CHRM5: variants seen among roughly 807,000 people sequenced by gnomAD.
The protein encoded by CHRM5 is muscarinic acetylcholine receptor M5.
CHRM5 carries 18 observed loss-of-function variants against 39.0 expected under a neutral mutation model. The observed-to-expected ratio is 0.46, with a 90% confidence interval of 0.32 to 0.68. CHRM5 has a LOEUF of 0.68. CHRM5 is among the 30% of genes least tolerant of loss of function. CHRM5 has a pLI of 0.04. For synonymous variants in CHRM5, 241 were observed against 246.3 expected (o/e 0.98, Z 0.20); for missense variants, 515 against 651.1 (o/e 0.79, Z 2.28).
At chr15:34,020,419 G>A (rs2140712546) in intron 1 of CHRM5, among the ~76,000 whole-genome samples, 1 of 152,276 alleles carries the variant, frequency 6.6e-6, no homozygotes, top group Non-Finnish European at 1.5e-5. Flanking sequence ...ATAAATCCAA[G>A]GAGGCAAATT....
chr15:33,978,525 T>A (rs1895994612), intron 1 of CHRM5, among the ~76,000 whole-genome samples: 1 of 151,996 alleles, frequency 6.6e-6, no homozygotes, highest in Admixed American at 6.6e-5. Flanking sequence ...TTAGCCGGCA[T>A]GGTGGCAGGC....
At position 33,997,489 on chromosome 15, in the gene CHRM5, C is replaced by T. The variant is rs577889671; in HGVS notation, c.-408+28339C>T. The stretch of plus-strand genomic sequence containing the variant: ...ACACCAACTCACAGCCAGGCACACC[C>T]GTATTTTTATATAAGACTATATCAT... On this transcript the variant is annotated intron_variant, in intron 1 of 2. Transcript: ENST00000383263. 5.3e-5 allele frequency among the ~76,000 whole-genome samples: 8 copies of T among 152,246 alleles called. No homozygotes were observed. In the East Asian group the frequency reaches 1.4e-3, roughly 26 times the overall value.
At position 34,061,872 on chromosome 15, in the gene CHRM5, A is replaced by C. The variant is rs188200929; in HGVS notation, c.-75-771A>C. ...TCTTGGCTCACAACGGCACCTCAGTAATGTTTAATAATCAAGACTGGGACT... is the reference window on the plus strand; with the variant it reads ...TCTTGGCTCACAACGGCACCTCAGTCATGTTTAATAATCAAGACTGGGACT... On this transcript the variant is annotated intron_variant, in intron 2 of 2. Coordinates refer to ENST00000383263, the MANE Select transcript of CHRM5 (RefSeq NM_012125.4). 3.4e-3 allele frequency among the ~76,000 whole-genome samples: 520 copies of C among 152,278 alleles called. 5 individuals carry two copies. The highest frequency in any genetic ancestry group is 0.012 in the African/African-American group (508 of 41,560).
chr15:33,996,653 G>C (rs935575008), intron 1 of CHRM5, among the ~76,000 whole-genome samples: 1 of 152,156 alleles, frequency 6.6e-6, no homozygotes, highest in Admixed American at 6.5e-5. Context: ...GAAAGGAATA[G>C]CATCAACATC....
At chr15:34,056,084 G>A (rs1900137398) in intron 2 of CHRM5, among the ~76,000 whole-genome samples, 1 of 152,136 alleles carries the variant, frequency 6.6e-6, no homozygotes, top group South Asian at 2.1e-4. Context: ...GCTGAGGGCT[G>A]TTTTCACTAC....
chr15:33,973,485 C>T (rs1332625732), intron 1 of CHRM5, among the ~76,000 whole-genome samples: 17 of 152,152 alleles, frequency 1.1e-4, no homozygotes, highest in Admixed American at 7.9e-4. Context: ...TACAGAAGAG[C>T]TTCTCATGCC....
chr15:34,052,799 G>T (rs1204432004), intron 2 of CHRM5, among the ~76,000 whole-genome samples: 1 of 152,016 alleles, frequency 6.6e-6, no homozygotes, highest in Non-Finnish European at 1.5e-5. Context: ...GGAAGTGAAG[G>T]ACCTCTTCAA....
intron 1 of CHRM5, among the ~76,000 whole-genome samples, chr15:33,975,014 A>G (rs1895823718): frequency 6.6e-6 from 1 of 152,160 alleles, no homozygotes; most frequent in South Asian, 2.1e-4. Flanking sequence ...TTGACATCCT[A>G]TCATGTTTTT....
intron 1 of CHRM5, among the ~76,000 whole-genome samples, chr15:33,998,527 T>C (rs1897022918): frequency 1.3e-5 from 2 of 152,210 alleles, no homozygotes. Flanking sequence ...CCCATTATTC[T>C]CCTTTCCTTT....
chr15:34,006,826 T>G (rs1897371520), intron 1 of CHRM5, among the ~76,000 whole-genome samples: 3 of 152,198 alleles, frequency 2.0e-5, no homozygotes, highest in Non-Finnish European at 2.9e-5. Context: ...ACATTTGATG[T>G]AACTGAAAGA....
intron 1 of CHRM5, among the ~76,000 whole-genome samples, chr15:34,042,739 C>G (rs1899523977): frequency 6.6e-6 from 1 of 151,966 alleles, no homozygotes; most frequent in African/African-American, 2.4e-5. Flanking sequence ...GTAGCCAATT[C>G]CTTAAGGTAG....
chr15:34,041,394 T>C (rs1258370645), intron 1 of CHRM5, among the ~76,000 whole-genome samples: 1 of 152,190 alleles, frequency 6.6e-6, no homozygotes, highest in African/African-American at 2.4e-5. Flanking sequence ...AAACCCTGAT[T>C]TGGGCAAATG....
intron 1 of CHRM5, among the ~76,000 whole-genome samples, chr15:34,035,140 C>T (rs945022361): frequency 2.0e-5 from 3 of 152,186 alleles, no homozygotes. Context: ...GTATTAATTA[C>T]TACTCAGGCT....
chr15:33,979,163 AC>A (rs529112415), intron 1 of CHRM5, among the ~76,000 whole-genome samples: 444 of 152,298 alleles, frequency 2.9e-3, no homozygotes, highest in African/African-American at 9.9e-3. Context: ...CAGAAGAGTC[AC>A]CTCGTAAACC....
chr15:34,047,178 C>T (rs1056086660), intron 2 of CHRM5, among the ~76,000 whole-genome samples: 37 of 151,784 alleles, frequency 2.4e-4, no homozygotes, highest in Non-Finnish European at 4.4e-5. Context: ...CCCGGGTTCA[C>T]GCCATTCTCC....
At position 34,063,409 on chromosome 15, in the gene CHRM5, A is replaced by G; in HGVS notation, c.692A>G (p.Gln231Arg). 1.2e-6 allele frequency: 2 copies of G among 1,614,000 alleles called. No homozygotes were observed. Among genetic ancestry groups the G allele is most frequent in the Non-Finnish European group, 1.7e-6 (2 of 1,180,034 alleles). ...EKRTKDLADLQGSDSVTKAEK... is the reference protein window; with the variant it reads ...EKRTKDLADLRGSDSVTKAEK... ...CGAACCAAGGACCTGGCTGACCTCC[A>G]GGGTTCTGACTCTGTGACCAAAGCT... Residue 231 changes from glutamine to arginine, a missense_variant, in exon 3 of 3, where the codon CAG (glutamine) becomes CGG (arginine). By Grantham distance (43) the Gln-to-Arg change is conservative. Transcript: ENST00000383263. This position sits in a 1 kb window ranked among gnomAD's most constrained non-coding sequence, Gnocchi z 4.1.
intron 2 of CHRM5, among the ~76,000 whole-genome samples, chr15:34,047,470 G>A (rs898371279): frequency 1.3e-5 from 2 of 152,174 alleles, no homozygotes; most frequent in African/African-American, 4.8e-5. Flanking sequence ...CTGAAACCAG[G>A]GAGCCAAGCA....
At chr15:34,018,982 AC>A (rs1898086821) in intron 1 of CHRM5, among the ~76,000 whole-genome samples, 1 of 151,998 alleles carries the variant, frequency 6.6e-6, no homozygotes, top group African/African-American at 2.4e-5. Flanking sequence ...GTGTGTTTTT[AC>A]AGAGTGCTCA....
chr15:33,988,160 A>T (rs1329739544), intron 1 of CHRM5, among the ~76,000 whole-genome samples: 1 of 152,252 alleles, frequency 6.6e-6, no homozygotes, highest in Non-Finnish European at 1.5e-5. Flanking sequence ...CTGAAGCTGC[A>T]GACCAAGTGT....
Sources: allele counts gnomAD v4.1 joint callset (sites outside exome capture counted in the v4.1 genomes callset), GRCh38; gene constraint gnomAD v4.1.1; non-coding constraint Gnocchi (gnomAD v3.1); transcripts MANE v1.5; gene names NCBI Gene and HGNC (gene_info 2026-07-23, HGNC 2026-07-21).